The following STK39 variants were observed in gnomAD, a reference collection of about 807,000 sequenced individuals.
The protein encoded by STK39 is serine/threonine kinase 39.
STK39 carries 20 observed loss-of-function variants against 77.8 expected under a neutral mutation model. The ratio of observed to expected loss-of-function variants is 0.26; its 90% CI spans 0.18 to 0.37. The LOEUF is 0.37. Among genes scored for constraint, STK39 ranks in the 10% least tolerant of loss-of-function variants. The probability of loss-of-function intolerance (pLI) is 1.00; values close to 1 mark genes in which losing one functional copy is unlikely to be tolerated. For synonymous variants in STK39, 246 were observed against 234.1 expected (o/e 1.05, Z -0.47); for missense variants, 479 against 656.5 (o/e 0.73, Z 2.95).
At chr2:168,098,937 G>C (rs1024157510) in intron 10 of STK39, among the ~76,000 whole-genome samples, 2 of 152,320 alleles carry the variant, frequency 1.3e-5, no homozygotes, top group Admixed American at 6.5e-5. Context: ...CCAGGCCATA[G>C]AGCATTGCCT....
intron 14 of STK39, among the ~76,000 whole-genome samples, chr2:168,044,264 A>C (rs1685181871): frequency 6.6e-6 from 1 of 152,192 alleles, no homozygotes; most frequent in African/African-American, 2.4e-5. Flanking sequence ...CTTAGACTTA[A>C]TGGACCTTTC....
chr2:168,158,412 C>CTGAA (rs1471300302), intron 5 of STK39, among the ~76,000 whole-genome samples: 1 of 152,162 alleles, frequency 6.6e-6, no homozygotes, highest in Non-Finnish European at 1.5e-5. Flanking sequence ...CTCCTATGCC[C>CTGAA]TGAAACCTTA....
intron 1 of STK39, among the ~76,000 whole-genome samples, chr2:168,200,510 CA>C (rs60528482): frequency 0.41 from 61,520 of 149,222 alleles, 14,459 homozygotes; most frequent in East Asian, 0.69. Context: ...ACTAAAAATA[CA>C]AAAAAAAAAT....
intron 10 of STK39, among the ~76,000 whole-genome samples, chr2:168,123,730 A>T (rs530311171): frequency 4.2e-4 from 64 of 151,996 alleles, no homozygotes; most frequent in Non-Finnish European, 6.6e-4. Flanking sequence ...TTAGCCGGGC[A>T]TGGTGGCGGG....
At position 168,117,727 on chromosome 2, in the gene STK39, T is replaced by A. The variant is rs138746760; in HGVS notation, c.1089+11814A>T. ...TAGAAAAGTACAATTACCAAACACA[T>A]CTAATTTGGTAAAGATGTGTTGAAG... On this transcript the variant is annotated intron_variant, in intron 10 of 17. Coordinates refer to ENST00000355999, the MANE Select transcript of STK39 (RefSeq NM_013233.3). Among the ~76,000 whole-genome samples, 97 of 152,138 alleles carry A rather than the reference T, an allele frequency of 6.4e-4. 2 individuals carry two copies. In the East Asian group the frequency reaches 9.7e-3, roughly 15 times the overall value.
intron 5 of STK39, among the ~76,000 whole-genome samples, chr2:168,154,491 G>A (rs1340591489): frequency 6.6e-6 from 1 of 152,144 alleles, no homozygotes; most frequent in Non-Finnish European, 1.5e-5. Flanking sequence ...CTATTTAAAT[G>A]TCCTAAAAAT....
At chr2:168,205,697 T>C (rs1284743651) in intron 1 of STK39, among the ~76,000 whole-genome samples, 1 of 152,054 alleles carries the variant, frequency 6.6e-6, no homozygotes, top group Non-Finnish European at 1.5e-5. Flanking sequence ...CACGTCTCTG[T>C]AGTCTCAAGT....
intron 10 of STK39, among the ~76,000 whole-genome samples, chr2:168,094,320 C>A (rs963021105): frequency 6.6e-6 from 1 of 152,146 alleles, no homozygotes. Flanking sequence ...AAATGTGCAC[C>A]AAATGAAAAG....
At chr2:167,956,690 ACACACACT>A (rs1443862569) in intron 17 of STK39, among the ~76,000 whole-genome samples, 6 of 45,906 alleles carry the variant, frequency 1.3e-4, no homozygotes, top group Admixed American at 4.2e-4. Context: ...ACACACACAC[ACACACACT>A]CTCTCTCTCT....
intron 12 of STK39, among the ~76,000 whole-genome samples, chr2:168,068,637 T>C (rs1023108426): frequency 6.6e-6 from 1 of 152,202 alleles, no homozygotes; most frequent in African/African-American, 2.4e-5. Flanking sequence ...CGAAAATTAT[T>C]CCAAAATCAA....
At chr2:168,141,265 G>A (rs752719753) in intron 5 of STK39, among the ~76,000 whole-genome samples, 12 of 152,094 alleles carry the variant, frequency 7.9e-5, no homozygotes, top group Non-Finnish European at 1.2e-4. Context: ...AAATGCTTGC[G>A]ACCAGAAATG....
At chr2:168,005,044 C>T (rs1185462406) in intron 16 of STK39, among the ~76,000 whole-genome samples, 1 of 137,374 alleles carries the variant, frequency 7.3e-6, no homozygotes, top group Admixed American at 7.7e-5. Flanking sequence ...CTCGCTCTGT[C>T]GCCCAGGCTG....
At chr2:168,195,875 G>A (rs528796377) in intron 1 of STK39, among the ~76,000 whole-genome samples, 1 of 152,248 alleles carries the variant, frequency 6.6e-6, no homozygotes, top group African/African-American at 2.4e-5. Context: ...AAATTAGATG[G>A]GCGTGGTGGC....
At position 168,247,315 on chromosome 2, in the gene STK39, C is replaced by G. The variant is rs200509268; in HGVS notation, c.121G>C (p.Ala41Pro). 1 of 467,886 alleles carries G rather than the reference C, an allele frequency of 2.1e-6. No homozygotes were observed. 29.0% of individuals were successfully genotyped at this position (467,886 alleles called of 1,614,324 possible). The change falls in exon 1 of 18, where the codon GCG becomes CCG. Residue 41 changes from alanine (A) to proline (P), a missense_variant. Physicochemically the swap from Ala to Pro is conservative, Grantham distance 27. Around this residue, in one of 3 missense-constraint regions of STK39, gnomAD observed 96 missense variants for 79.1 expected, o/e 1.21. Coordinates refer to ENST00000355999, the MANE Select transcript of STK39 (RefSeq NM_013233.3). ...GGGGCCGGGGCCGGGGCCGGGGCCG[C>G]GGGAGCTGCCGGGGCCGGCGCTGCT... ...ATAAPAPAAP[A>P]APAPAPAPAA...
intron 16 of STK39, among the ~76,000 whole-genome samples, chr2:167,995,476 A>T (rs970916037): frequency 6.6e-6 from 1 of 152,210 alleles, no homozygotes; most frequent in African/African-American, 2.4e-5. Context: ...AGTGTATCCA[A>T]AATTCCAATA....
chr2:168,217,105 T>C (rs1690043799), intron 1 of STK39, among the ~76,000 whole-genome samples: 1 of 152,084 alleles, frequency 6.6e-6, no homozygotes, highest in South Asian at 2.1e-4. Context: ...AACACGAAAA[T>C]CAGTGATTAC....
chr2:168,093,037 C>T (rs1487501994), intron 10 of STK39, among the ~76,000 whole-genome samples: 3 of 152,210 alleles, frequency 2.0e-5, no homozygotes, highest in South Asian at 2.1e-4. Flanking sequence ...TCCTGTGCAT[C>T]TCCCCCTGGA....
At chr2:168,084,455 G>A (rs773610605) in intron 10 of STK39, among the ~76,000 whole-genome samples, 9 of 152,270 alleles carry the variant, frequency 5.9e-5, no homozygotes, top group Middle Eastern at 3.4e-3. Context: ...GCAACAGTGC[G>A]AGATAATGAA....
At chr2:168,237,008 T>C (rs1690630694) in intron 1 of STK39, among the ~76,000 whole-genome samples, 1 of 152,168 alleles carries the variant, frequency 6.6e-6, no homozygotes, top group African/African-American at 2.4e-5. Context: ...TTGATGGGGA[T>C]GGCATTGAAT....
Sources: allele counts gnomAD v4.1 joint callset (sites outside exome capture counted in the v4.1 genomes callset), GRCh38; gene constraint gnomAD v4.1.1; regional missense constraint gnomAD v4.1.1; transcripts MANE v1.5; gene names NCBI Gene and HGNC (gene_info 2026-07-23, HGNC 2026-07-21).